ELAPOR2: variants seen among roughly 807,000 people sequenced by gnomAD.
The protein encoded by ELAPOR2 is endosome/lysosome-associated apoptosis and autophagy regulator family member 2.
ELAPOR2 carries 89 observed loss-of-function variants against 120.7 expected under a neutral mutation model. That is an observed-to-expected ratio of 0.74 (90% CI 0.62 to 0.88). The LOEUF is 0.88. Among genes scored for constraint, ELAPOR2 ranks in the 40% least tolerant of loss-of-function variants. The pLI, the probability that ELAPOR2 is intolerant of heterozygous loss-of-function variation, is 0.00. For missense variants in ELAPOR2, 1,134 were observed against 1,251.6 expected (o/e 0.91, Z 1.42); for synonymous variants, 444 against 444.9 (o/e 1.00, Z 0.03).
intron 1 of ELAPOR2, among the ~76,000 whole-genome samples, chr7:87,008,139 A>C (rs1243328459): frequency 6.6e-6 from 1 of 152,226 alleles, no homozygotes; most frequent in African/African-American, 2.4e-5. Context: ...ATGGAACACA[A>C]TGATATCACA....
chr7:86,973,513 A>G lies in ELAPOR2; in HGVS notation c.190-8489T>C, dbSNP rs572159176. ...TCTTTGCAGGACCAAGGCCAGGAGCATAAATCAATGTGCCTCTTCCTCCTC... is the reference window on the plus strand; with the variant it reads ...TCTTTGCAGGACCAAGGCCAGGAGCGTAAATCAATGTGCCTCTTCCTCCTC... On this transcript the variant is annotated intron_variant, in intron 1 of 21. Coordinates refer to ENST00000450689, the MANE Select transcript of ELAPOR2 (RefSeq NM_001142749.3). 9.2e-5 allele frequency among the ~76,000 whole-genome samples: 14 copies of G among 152,262 alleles called. No individual in the cohort carries two copies. The South Asian group carries it at 2.5e-3, about 27-fold the overall frequency.
intron 2 of ELAPOR2, among the ~76,000 whole-genome samples, chr7:86,950,885 T>A (rs1022546293): frequency 6.6e-6 from 1 of 152,120 alleles, no homozygotes; most frequent in African/African-American, 2.4e-5. Context: ...AAATAAAATA[T>A]AGTATAAGGT....
At chr7:87,035,341 T>C (rs1794554395) in intron 1 of ELAPOR2, among the ~76,000 whole-genome samples, 1 of 152,206 alleles carries the variant, frequency 6.6e-6, no homozygotes, top group African/African-American at 2.4e-5. Context: ...GCTCATGGCT[T>C]CTGCATATGT....
chr7:87,040,528 T>C (rs1266429195), intron 1 of ELAPOR2, among the ~76,000 whole-genome samples: 5 of 151,992 alleles, frequency 3.3e-5, no homozygotes, highest in Non-Finnish European at 2.9e-5. Flanking sequence ...CTGCAGGGTA[T>C]TCCAACAGAC....
At chr7:86,961,885 T>C (rs540894577) in intron 2 of ELAPOR2, among the ~76,000 whole-genome samples, 1 of 152,258 alleles carries the variant, frequency 6.6e-6, no homozygotes, top group South Asian at 2.1e-4. Flanking sequence ...AGCCTGGAGC[T>C]AGCGGAGAGG....
At chr7:86,940,637 A>G (rs570391881) in intron 5 of ELAPOR2, among the ~76,000 whole-genome samples, 2 of 152,220 alleles carry the variant, frequency 1.3e-5, no homozygotes, top group East Asian at 3.9e-4. Flanking sequence ...AACATTAATA[A>G]TACTATATGT....
chr7:86,995,399 T>C (rs767800072), intron 1 of ELAPOR2, among the ~76,000 whole-genome samples: 1 of 152,216 alleles, frequency 6.6e-6, no homozygotes, highest in Non-Finnish European at 1.5e-5. Flanking sequence ...TAGTTTTCTG[T>C]AGTTAGCCGA....
chr7:87,016,678 T>TAA (rs1793877417), intron 1 of ELAPOR2, among the ~76,000 whole-genome samples: 1 of 148,200 alleles, frequency 6.7e-6, no homozygotes, highest in Non-Finnish European at 1.5e-5. Flanking sequence ...TATATATATA[T>TAA]AATATATAAT....
At chr7:86,928,082 G>T (rs1478793735) in intron 8 of ELAPOR2, among the ~76,000 whole-genome samples, 4 of 151,878 alleles carry the variant, frequency 2.6e-5, no homozygotes, top group African/African-American at 9.7e-5. Context: ...ATGATTTAAA[G>T]GTAAATGTCT....
chr7:86,940,938 G>A (rs1790773755), intron 5 of ELAPOR2, among the ~76,000 whole-genome samples: 1 of 151,948 alleles, frequency 6.6e-6, no homozygotes, highest in Non-Finnish European at 1.5e-5. Context: ...TATTTTTAAG[G>A]GTTACTTGTA....
chr7:86,923,592 A>T (rs963120807), intron 10 of ELAPOR2, among the ~76,000 whole-genome samples: 3 of 151,998 alleles, frequency 2.0e-5, no homozygotes, highest in African/African-American at 7.2e-5. Flanking sequence ...ATTTTTCTTT[A>T]CATCACACTG....
intron 1 of ELAPOR2, among the ~76,000 whole-genome samples, 156 bp downstream of exon 1, chr7:87,059,169 G>A (rs1219417661): frequency 1.3e-5 from 2 of 151,658 alleles, no homozygotes; most frequent in Non-Finnish European, 2.9e-5. Flanking sequence ...CAGCTACCAG[G>A]GCGGGCAACT....
chr7:86,986,678 T>A (rs998465134), intron 1 of ELAPOR2, among the ~76,000 whole-genome samples: 1 of 150,800 alleles, frequency 6.6e-6, no homozygotes, highest in African/African-American at 2.5e-5. Flanking sequence ...TACAAACCAC[T>A]GCTCAACGAA....
intron 2 of ELAPOR2, among the ~76,000 whole-genome samples, chr7:86,959,884 A>G (rs576415633): frequency 6.6e-6 from 1 of 152,308 alleles, no homozygotes; most frequent in East Asian, 1.9e-4. Flanking sequence ...GCTGCATCAA[A>G]TAAGTTTTAG....
At chr7:87,021,488 T>C (rs1445795440) in intron 1 of ELAPOR2, among the ~76,000 whole-genome samples, 1 of 152,104 alleles carries the variant, frequency 6.6e-6, no homozygotes, top group Non-Finnish European at 1.5e-5. Context: ...AAACAATATA[T>C]TTAACCAGTC....
At chr7:87,004,099 C>T (rs1213124302) in intron 1 of ELAPOR2, among the ~76,000 whole-genome samples, 1 of 152,108 alleles carries the variant, frequency 6.6e-6, no homozygotes, top group Non-Finnish European at 1.5e-5. Flanking sequence ...TTAACAGCAT[C>T]GAGTCCTATT....
intron 1 of ELAPOR2, among the ~76,000 whole-genome samples, chr7:86,976,452 C>T (rs1792286980): frequency 6.6e-6 from 1 of 152,164 alleles, no homozygotes; most frequent in Non-Finnish European, 1.5e-5. Context: ...GGAATATACT[C>T]AAAGAAGTAT....
intron 1 of ELAPOR2, among the ~76,000 whole-genome samples, chr7:87,037,094 C>T (rs1447343651): frequency 3.3e-5 from 5 of 152,028 alleles, no homozygotes; most frequent in Non-Finnish European, 7.3e-5. Flanking sequence ...TCAAATGCTT[C>T]TCACTCTGCT....
intron 1 of ELAPOR2, among the ~76,000 whole-genome samples, chr7:87,026,628 G>A (rs558089980): frequency 6.6e-5 from 10 of 151,818 alleles, no homozygotes; most frequent in African/African-American, 1.2e-4. Context: ...GTATTCTGCC[G>A]TAAGCCTATA....
Sources: allele counts gnomAD v4.1 joint callset (sites outside exome capture counted in the v4.1 genomes callset), GRCh38; gene constraint gnomAD v4.1.1; transcripts MANE v1.5; gene names NCBI Gene and HGNC (gene_info 2026-07-23, HGNC 2026-07-21).